FYN: variants seen among roughly 807,000 people sequenced by gnomAD.
The protein encoded by FYN is FYN proto-oncogene, Src family tyrosine kinase.
Under a neutral mutation model 70.2 loss-of-function variants are expected in FYN, and 10 were observed. That is an observed-to-expected ratio of 0.14 (90% confidence interval 0.09 to 0.24). FYN has a LOEUF of 0.24. Ranked by LOEUF, FYN falls within the 10% of genes least tolerant of loss-of-function variation. The pLI, the probability that FYN is intolerant of heterozygous loss-of-function variation, is 1.00. For missense variants in FYN, 319 were observed against 673.1 expected (o/e 0.47, Z 5.82); for synonymous variants, 236 against 248.6 (o/e 0.95, Z 0.48).
chr6:111,729,779 G>C (rs1447058773), intron 3 of FYN, among the ~76,000 whole-genome samples: 1 of 152,142 alleles, frequency 6.6e-6, no homozygotes. Flanking sequence ...CAAATGCCTA[G>C]AAAACTCTTT....
intron 13 of FYN, among the ~76,000 whole-genome samples, chr6:111,663,671 C>T (rs557607914): frequency 1.5e-4 from 23 of 152,288 alleles, no homozygotes; most frequent in South Asian, 6.2e-4. Flanking sequence ...CGTGTCAGGG[C>T]GACCCCTTAT....
chr6:111,683,752 C>A (rs909242410), intron 12 of FYN, among the ~76,000 whole-genome samples: 1 of 151,866 alleles, frequency 6.6e-6, no homozygotes, highest in Non-Finnish European at 1.5e-5. Context: ...ACAAACAATG[C>A]CAATAACAGA....
chr6:111,782,405 A>G (rs1771208938), intron 2 of FYN, among the ~76,000 whole-genome samples: 1 of 152,166 alleles, frequency 6.6e-6, no homozygotes, highest in Non-Finnish European at 1.5e-5. Flanking sequence ...TCAGGTAATC[A>G]TTAATATTAT....
Position 111,873,422 on chromosome 6 carries a change from G to T in FYN, c.-577C>A, listed in dbSNP as rs955733524. ...AACGACGCGCCGCCGCCACCAGCGCGGCTGCTCGCTGCTACTCTTGCTGAT... is the reference window on the plus strand; with the variant it reads ...AACGACGCGCCGCCGCCACCAGCGCTGCTGCTCGCTGCTACTCTTGCTGAT... On this transcript the variant is annotated 5_prime_UTR_variant, in exon 1 of 14. Coordinates refer to ENST00000354650, the MANE Select transcript of FYN (RefSeq NM_002037.5). The T allele has an allele frequency of 6.6e-6, 1 of 151,880 alleles. No homozygotes were observed. Among genetic ancestry groups the T allele is most frequent in the South Asian group, 2.1e-4 (1 of 4,828 alleles). 9.4% of individuals were successfully genotyped at this position (151,880 alleles called of 1,614,324 possible). A position where few individuals can be genotyped will look rare whatever the true frequency, so the allele number is the denominator to read the frequency against.
intron 3 of FYN, among the ~76,000 whole-genome samples, chr6:111,732,029 C>CA (rs1294822364): frequency 2.6e-5 from 4 of 152,178 alleles, no homozygotes; most frequent in East Asian, 1.9e-4. Flanking sequence ...CAGCAGCACA[C>CA]AAAAAACAGT....
chr6:111,827,322 G>A (rs1031632949), intron 2 of FYN, among the ~76,000 whole-genome samples: 1 of 152,138 alleles, frequency 6.6e-6, no homozygotes, highest in Non-Finnish European at 1.5e-5. Context: ...TCTTATTGCA[G>A]GCTGGTTCAA....
chr6:111,762,462 T>TCC (rs1803047184), intron 3 of FYN, among the ~76,000 whole-genome samples: 1 of 152,018 alleles, frequency 6.6e-6, no homozygotes, highest in Admixed American at 6.6e-5. Flanking sequence ...TGTTATACCC[T>TCC]CCTCCCTTTG....
intron 2 of FYN, among the ~76,000 whole-genome samples, chr6:111,821,171 G>A (rs1390779065): frequency 1.3e-5 from 2 of 151,960 alleles, no homozygotes; most frequent in African/African-American, 2.4e-5. Flanking sequence ...AGCCCGCATT[G>A]CCAAGTCAAT....
rs1367222903 is a variant in FYN at position 111,846,577 on chromosome 6, T to C, written c.-82+12A>G. ...AAGGCACTTGCTCTCAGTGCAAAAC[T>C]TGCCAACTTACTTTTTCCACGTTTA... On this transcript the variant is annotated intron_variant, in intron 2 of 13. Coordinates refer to ENST00000354650, the MANE Select transcript of FYN (RefSeq NM_002037.5). 7 of 398,768 alleles carry C rather than the reference T, an allele frequency of 1.8e-5. No individual in the cohort carries two copies. The highest frequency in any genetic ancestry group is 2.2e-5 in the Non-Finnish European group (5 of 226,044). The allele number at this position is 398,768 out of a possible 1,614,324, so 24.7% of individuals were successfully genotyped here.
intron 2 of FYN, among the ~76,000 whole-genome samples, chr6:111,795,136 C>T (rs1771763400): frequency 6.6e-6 from 1 of 152,144 alleles, no homozygotes; most frequent in South Asian, 2.1e-4. Context: ...TGTATCCCTC[C>T]AAAATTCATG....
At chr6:111,737,658 A>G (rs1801767212) in intron 3 of FYN, among the ~76,000 whole-genome samples, 1 of 152,174 alleles carries the variant, frequency 6.6e-6, no homozygotes, top group African/African-American at 2.4e-5. Context: ...TCATTACATA[A>G]GCATGATTGA....
chr6:111,773,321 G>A (rs1444848682), intron 3 of FYN, among the ~76,000 whole-genome samples: 1 of 90,936 alleles, frequency 1.1e-5, no homozygotes, highest in Non-Finnish European at 2.2e-5. Context: ...AAGAGGGGAG[G>A]GGGAGGGAGA....
At chr6:111,821,145 T>C (rs1479999422) in intron 2 of FYN, among the ~76,000 whole-genome samples, 1 of 152,108 alleles carries the variant, frequency 6.6e-6, no homozygotes, top group Non-Finnish European at 1.5e-5. Flanking sequence ...TTAAAGTTCA[T>C]ATGGAACCAA....
Position 111,679,208 on chromosome 6 carries a change from T to C in FYN, c.1274-4578A>G, listed in dbSNP as rs1189641768. ...AAAGCCCTTAACCCATGGCTAATTC[T>C]TACTTCTCTTTTGCTCCTAGCCAAA... On this transcript the variant is annotated intron_variant, in intron 12 of 13. Transcript: ENST00000354650. Among the ~76,000 whole-genome samples the C allele has an allele frequency of 2.0e-5, 3 of 152,362 alleles. No homozygotes were observed. The East Asian group carries it at 5.8e-4, about 29-fold the overall frequency.
At chr6:111,674,446 G>A in intron 13 of FYN, 53 bp downstream of exon 13, 1 of 1,557,006 alleles carries the variant, frequency 6.4e-7, no homozygotes, top group Non-Finnish European at 8.7e-7. Context: ...TTCCCAAATG[G>A]TGTCAAAAAA....
At chr6:111,837,775 T>C (rs1773233678) in intron 2 of FYN, among the ~76,000 whole-genome samples, 1 of 150,886 alleles carries the variant, frequency 6.6e-6, no homozygotes, top group Non-Finnish European at 1.5e-5. Flanking sequence ...CAGGACTTCC[T>C]CAAGCCCCCA....
At chr6:111,833,968 C>G (rs1366001622) in intron 2 of FYN, among the ~76,000 whole-genome samples, 1 of 152,100 alleles carries the variant, frequency 6.6e-6, no homozygotes, top group African/African-American at 2.4e-5. Context: ...ATGAGTGGAC[C>G]AGACAGCAGT....
chr6:111,674,692 G>A (rs1798455708), intron 12 of FYN, 62 bp from the exon 13 acceptor site: 1 of 1,550,776 alleles, frequency 6.4e-7, no homozygotes, highest in Non-Finnish European at 8.8e-7. Context: ...ATGGGGTGTG[G>A]GAGGGAAAGG....
At chr6:111,845,500 G>C (rs980715474) in intron 2 of FYN, among the ~76,000 whole-genome samples, 1 of 152,180 alleles carries the variant, frequency 6.6e-6, no homozygotes, top group African/African-American at 2.4e-5. Flanking sequence ...TGCCTGCATG[G>C]GGTCAAAGGT....
Sources: allele counts gnomAD v4.1 joint callset (sites outside exome capture counted in the v4.1 genomes callset), GRCh38; gene constraint gnomAD v4.1.1; transcripts MANE v1.5; gene names NCBI Gene and HGNC (gene_info 2026-07-23, HGNC 2026-07-21).